ZSWIM3: variants seen among roughly 807,000 people sequenced by gnomAD.
ZSWIM3 encodes the protein zinc finger SWIM-type containing 3.
A neutral mutation model predicts 47.5 loss-of-function variants in ZSWIM3; 27 were observed. The ratio of observed to expected loss-of-function variants is 0.57; its 90% CI spans 0.42 to 0.78. The LOEUF is 0.78. Ranked by LOEUF, ZSWIM3 falls within the 30% of genes least tolerant of loss-of-function variation. The probability of loss-of-function intolerance (pLI) is 0.00; values close to 1 mark genes in which losing one functional copy is unlikely to be tolerated. For missense variants in ZSWIM3, 689 were observed against 861.3 expected (o/e 0.80, Z 2.50); for synonymous variants, 333 against 333.9 (o/e 1.00, Z 0.03).
chr20:45,860,541 C>T (rs991134980), intron 1 of ZSWIM3, among the ~76,000 whole-genome samples: 1 of 150,418 alleles, frequency 6.6e-6, no homozygotes, highest in Non-Finnish European at 1.5e-5. Flanking sequence ...AAAAAGAATC[C>T]TTTTCCTTTC....
chr20:45,877,530 T>C lies in ZSWIM3; in HGVS notation c.972T>C (p.Asn324=). 1 of 1,614,136 alleles carries C rather than the reference T, an allele frequency of 6.2e-7. No homozygotes were observed. Among genetic ancestry groups the C allele is most frequent in the Non-Finnish European group, 8.5e-7 (1 of 1,180,026 alleles). Residue 324 remains asparagine, a synonymous_variant, in exon 2 of 2, where the codon AAT becomes AAC. Transcript: ENST00000255152. Reference sequence around the variant, plus strand: ...AGAAGTTGCATCGTAGTTCAGCAAATCCATCCTTTAAAAGGCTCATGAAGG... The same window carrying C: ...AGAAGTTGCATCGTAGTTCAGCAAACCCATCCTTTAAAAGGCTCATGAAGG... The part of the protein sequence containing the change: ...LEKKLHRSSA[N]PSFKRLMKEA...
intron 1 of ZSWIM3, among the ~76,000 whole-genome samples, chr20:45,869,859 A>G (rs908623565): frequency 6.6e-6 from 1 of 151,814 alleles, no homozygotes; most frequent in African/African-American, 2.4e-5. Flanking sequence ...CCTGGCCAAC[A>G]TGATGAAACC....
intron 1 of ZSWIM3, among the ~76,000 whole-genome samples, chr20:45,860,720 G>A (rs191350450): frequency 1.0e-3 from 153 of 152,010 alleles, no homozygotes; most frequent in Non-Finnish European, 1.8e-3. Context: ...AAGGATCCTT[G>A]TGATTATATT....
At chr20:45,866,803 AAGAG>A (rs1601113203) in intron 1 of ZSWIM3, among the ~76,000 whole-genome samples, 2 of 151,246 alleles carry the variant, frequency 1.3e-5, no homozygotes, top group Admixed American at 1.3e-4. Context: ...GTCTCAAAAA[AAGAG>A]AGAAAGAAGA....
Position 45,877,769 on chromosome 20 carries a change from G to A in ZSWIM3, c.1211G>A (p.Ser404Asn). The A allele has an allele frequency of 5.6e-6, 9 of 1,614,144 alleles. No individual in the cohort carries two copies. The highest frequency in any genetic ancestry group is 2.5e-6 in the Non-Finnish European group (3 of 1,180,004). Residue 404 changes from serine (S) to asparagine (N), a missense_variant, in exon 2 of 2, where the codon AGC becomes AAC. Physicochemically the swap from Ser to Asn is conservative, Grantham distance 46. Transcript: ENST00000255152. ...SLDIVTSKVS[S>N]LFREQQSLLD... ...GACATTGTCACCAGCAAGGTGTCAA[G>A]CCTCTTTCGGGAACAGCAGTCGCTG...
chr20:45,877,377 C>T lies in ZSWIM3; in HGVS notation c.819C>T (p.Asn273=). The change falls in exon 2 of 2, where the codon AAC becomes AAT. Residue 273 remains asparagine (N), a synonymous_variant. Transcript: ENST00000255152. ...TGCTGAGCATCTTCACAGAGTTCAA[C>T]TCCGATTGGCCCAAGGTCAAGGTGG... is the stretch of plus-strand genomic sequence containing the variant. ...AKMLSIFTEF[N]SDWPKVKVVF... 2 of 1,614,210 alleles carry T rather than the reference C, an allele frequency of 1.2e-6. No individual in the cohort carries two copies. The highest frequency in any genetic ancestry group is 2.2e-5 in the East Asian group (1 of 44,890).
intron 1 of ZSWIM3, among the ~76,000 whole-genome samples, chr20:45,858,572 G>A (rs889426040): frequency 1.3e-5 from 2 of 152,156 alleles, no homozygotes; most frequent in African/African-American, 4.8e-5. Flanking sequence ...TACAGACTGG[G>A]TCTTGTTATG....
At chr20:45,864,629 G>C (rs556237911) in intron 1 of ZSWIM3, among the ~76,000 whole-genome samples, 1 of 152,070 alleles carries the variant, frequency 6.6e-6, no homozygotes, top group Non-Finnish European at 1.5e-5. Context: ...TTGGGAGGTC[G>C]AGGCGGGCGG....
intron 1 of ZSWIM3, among the ~76,000 whole-genome samples, chr20:45,870,295 G>C (rs1215178784): frequency 1.3e-5 from 2 of 151,604 alleles, no homozygotes; most frequent in Admixed American, 1.3e-4. Context: ...AGCCAAGACC[G>C]TGCCAGTGCA....
chr20:45,861,666 C>G (rs575875962), intron 1 of ZSWIM3, among the ~76,000 whole-genome samples: 329 of 152,176 alleles, frequency 2.2e-3, no homozygotes, highest in African/African-American at 7.7e-3. Context: ...CCTTGAAATC[C>G]TGGCCTCAAG....
At chr20:45,866,627 G>A (rs867056690) in intron 1 of ZSWIM3, among the ~76,000 whole-genome samples, 2 of 151,992 alleles carry the variant, frequency 1.3e-5, no homozygotes, top group African/African-American at 2.4e-5. Flanking sequence ...GCAACATAGC[G>A]AGACCCCATT....
At chr20:45,860,280 C>T (rs570764042) in intron 1 of ZSWIM3, among the ~76,000 whole-genome samples, 145 of 152,084 alleles carry the variant, frequency 9.5e-4, no homozygotes, top group African/African-American at 3.4e-3. Context: ...TTTGGGAGGC[C>T]AAGGTGGGCA....
chr20:45,877,881 A>C lies in ZSWIM3; in HGVS notation c.1323A>C (p.Leu441Phe). The C allele has an allele frequency of 6.2e-7, 1 of 1,614,092 alleles. No homozygotes were observed. Among genetic ancestry groups the C allele is most frequent in the Non-Finnish European group, 8.5e-7 (1 of 1,180,014 alleles). Reference sequence around the variant, plus strand: ...ACTTGCCCACACCTCCTCCCAAATTAAAGAGAGCTCGGCCGGCAAGCATGC... The same window carrying C: ...ACTTGCCCACACCTCCTCCCAAATTCAAGAGAGCTCGGCCGGCAAGCATGC... ...LKNLPTPPPK[L>F]KRARPASMPL... The change falls in exon 2 of 2, where the codon TTA becomes TTC. Residue 441 changes from leucine to phenylalanine, a missense_variant. Coordinates refer to ENST00000255152, the MANE Select transcript of ZSWIM3 (RefSeq NM_080752.4).
rs748364577 is a variant in ZSWIM3, at chr20:45,857,906, C to A, written c.81C>A (p.Ser27=). ...CCTACAAAAGGGAGAACAGGTGCTC[C>A]TTCATTCTCAGGGACTGCGTCTCCG... ...FSAYKRENRC[S]FILRDCVSVR... The change falls in exon 1 of 2, where the codon TCC becomes TCA. Residue 27 remains serine (S), a synonymous_variant. Coordinates refer to ENST00000255152, the MANE Select transcript of ZSWIM3 (RefSeq NM_080752.4). 6.2e-7 allele frequency: 1 copy of A among 1,601,876 alleles called. No individual in the cohort carries two copies. Among genetic ancestry groups the A allele is most frequent in the South Asian group, 1.1e-5 (1 of 90,880 alleles).
rs1262546040 is a variant in ZSWIM3 at position 45,877,647 on chromosome 20, C to T, written c.1089C>T (p.Phe363=). The T allele has an allele frequency of 6.2e-7, 1 of 1,614,186 alleles. No individual in the cohort carries two copies. The change falls in exon 2 of 2, where the codon TTC becomes TTT. Residue 363 remains phenylalanine (F), a synonymous_variant. Coordinates refer to ENST00000255152, the MANE Select transcript of ZSWIM3 (RefSeq NM_080752.4). ...MSQAVLDEDL[F]NFLQAHWFTC... is the part of the protein sequence containing the mutation. ...AGGCCGTACTGGATGAGGATCTCTT[C>T]AACTTCCTGCAGGCCCACTGGTTCA...
At chr20:45,859,794 A>AAAAAAAAAAAAAAG (rs1985658344) in intron 1 of ZSWIM3, among the ~76,000 whole-genome samples, 1 of 96,426 alleles carries the variant, frequency 1.0e-5, no homozygotes, top group African/African-American at 5.3e-5. Flanking sequence ...GAGGAATACA[A>AAAAAAAAAAAAAAG]AAAAAAAAAA....
chr20:45,876,255 G>C (rs1480396166), intron 1 of ZSWIM3, among the ~76,000 whole-genome samples: 9 of 151,956 alleles, frequency 5.9e-5, no homozygotes, highest in East Asian at 1.9e-4. Flanking sequence ...TTGGTAGTCA[G>C]GCTGGTCTTC....
rs529102280 is a variant in ZSWIM3, at chr20:45,866,561, C to A, written c.155+8581C>A. Among the ~76,000 whole-genome samples the A allele has an allele frequency of 1.1e-4, 16 of 152,220 alleles. No homozygotes were observed. The East Asian group carries it at 2.1e-3, about 20-fold the overall frequency. On this transcript the variant is annotated intron_variant, in intron 1 of 1. Coordinates refer to ENST00000255152, the MANE Select transcript of ZSWIM3 (RefSeq NM_080752.4). Reference sequence around the variant, plus strand: ...GTGGCTCATGCCTGTAATCCCAGCACTTGGGAGACCAAGGTGGGAGGATTG... The same window carrying A: ...GTGGCTCATGCCTGTAATCCCAGCAATTGGGAGACCAAGGTGGGAGGATTG...
At chr20:45,872,684 A>C in intron 1 of ZSWIM3, 1 of 1,277,668 alleles carries the variant, frequency 7.8e-7, no homozygotes, top group Non-Finnish European at 1.0e-6. Context: ...ACAAAAAACA[A>C]GGTGATGAAA....
Sources: gnomAD v4.1 joint callset for allele counts (sites outside exome capture counted in the v4.1 genomes callset) on GRCh38, gnomAD v4.1.1 for gene constraint, MANE v1.5 for transcripts, NCBI Gene and HGNC (gene_info 2026-07-23, HGNC 2026-07-21) for gene names.